POLR1D: variants seen among roughly 807,000 people sequenced by gnomAD.
POLR1D encodes the protein RNA polymerase I and III subunit D, also known as DNA-directed RNA polymerases I and III subunit RPAC2.
In POLR1D, 8 loss-of-function variants were observed where a neutral mutation model predicts 10.8. That is an observed-to-expected ratio of 0.74 (90% CI 0.43 to 1.33). The LOEUF (loss-of-function observed/expected upper bound fraction) is 1.33. Ranked by LOEUF, POLR1D falls within the 40% of genes most tolerant of loss-of-function variation. POLR1D has a pLI of 0.01. For missense variants in POLR1D, 152 were observed against 161.7 expected (o/e 0.94, Z 0.32); for synonymous variants, 54 against 57.2 (o/e 0.94, Z 0.25).
At chr13:27,633,228 G>T (rs1286983373) in intron 1 of POLR1D, among the ~76,000 whole-genome samples, 1 of 152,158 alleles carries the variant, frequency 6.6e-6, no homozygotes, top group Non-Finnish European at 1.5e-5. Context: ...GAAGAATTGG[G>T]CATGTTGTTT....
chr13:27,629,975 G>A (rs533948036), intron 1 of POLR1D, among the ~76,000 whole-genome samples: 1 of 152,038 alleles, frequency 6.6e-6, no homozygotes, highest in South Asian at 2.1e-4. Context: ...GCAGTGGCGC[G>A]ATCTTGGCTC....
upstream of POLR1D, chr13:27,621,760 G>A (rs918619095): frequency 5.9e-5 from 22 of 369,810 alleles, no homozygotes; most frequent in Non-Finnish European, 8.6e-5. Context: ...GCGGGGCCGC[G>A]AGCCACCGCT....
At chr13:27,655,587 A>G (rs931935387) in intron 2 of POLR1D, among the ~76,000 whole-genome samples, 5 of 152,316 alleles carry the variant, frequency 3.3e-5, no homozygotes, top group South Asian at 2.1e-4. Flanking sequence ...TGATGTTTTT[A>G]TACGTCTTAA....
downstream of POLR1D, among the ~76,000 whole-genome samples, chr13:27,626,744 C>T (rs150369993): frequency 1.1e-4 from 16 of 152,298 alleles, no homozygotes; most frequent in East Asian, 3.1e-3. Flanking sequence ...TAAATATATA[C>T]CAAAGGCTTT....
chr13:27,662,968 G>A (rs1956378980), intron 2 of POLR1D, among the ~76,000 whole-genome samples: 1 of 152,112 alleles, frequency 6.6e-6, no homozygotes, highest in South Asian at 2.1e-4. Context: ...CAGAGCATGT[G>A]TGCCCAGCCA....
At chr13:27,628,210 T>C (rs1422115432), downstream of POLR1D, among the ~76,000 whole-genome samples, 1 of 152,186 alleles carries the variant, frequency 6.6e-6, no homozygotes, top group Non-Finnish European at 1.5e-5. Context: ...ATCAGGGCAG[T>C]GAACAGCCTG....
chr13:27,662,886 C>T (rs1192442956), intron 2 of POLR1D, among the ~76,000 whole-genome samples: 1 of 152,140 alleles, frequency 6.6e-6, no homozygotes, highest in Non-Finnish European at 1.5e-5. Flanking sequence ...CCATTATTAT[C>T]CCCACTTAAC....
upstream of POLR1D, chr13:27,621,375 C>T (rs2232670): frequency 0.056 from 8,546 of 152,534 alleles, 293 homozygotes; most frequent in Middle Eastern, 0.15. Context: ...GAAACAAATA[C>T]CGCCTTCAAC....
At chr13:27,647,397 AT>A (rs556408835) in intron 1 of POLR1D, among the ~76,000 whole-genome samples, 1 of 150,912 alleles carries the variant, frequency 6.6e-6, no homozygotes, top group South Asian at 2.1e-4. Flanking sequence ...TATTATTTTT[AT>A]TTTTTTTAGA....
chr13:27,639,032 T>G (rs1487160999), intron 1 of POLR1D, among the ~76,000 whole-genome samples: 4 of 152,180 alleles, frequency 2.6e-5, no homozygotes, highest in Admixed American at 2.6e-4. Context: ...TATTTTTTAT[T>G]TCTGCTTTTT....
intron 2 of POLR1D, among the ~76,000 whole-genome samples, chr13:27,655,001 A>T (rs1956296153): frequency 6.6e-6 from 1 of 152,230 alleles, no homozygotes; most frequent in African/African-American, 2.4e-5. Context: ...TTCACGGGTC[A>T]CATGGTGAGA....
At chr13:27,638,484 T>TTTCA in intron 1 of POLR1D, among the ~76,000 whole-genome samples, 1 of 152,182 alleles carries the variant, frequency 6.6e-6, no homozygotes, top group South Asian at 2.1e-4. Flanking sequence ...GAGCATGAAA[T>TTTCA]GATGAGATGC....
downstream of POLR1D, chr13:27,623,474 T>C: frequency 4.3e-6 from 4 of 930,016 alleles, no homozygotes; most frequent in Non-Finnish European, 5.9e-6. Context: ...TTCTGTTCCA[T>C]GCAACCAAAT....
downstream of POLR1D, among the ~76,000 whole-genome samples, chr13:27,625,158 A>T (rs746974963): frequency 6.6e-6 from 1 of 152,188 alleles, no homozygotes; most frequent in Non-Finnish European, 1.5e-5. Flanking sequence ...AGCACAGTAG[A>T]CAAGGAGAAG....
downstream of POLR1D, among the ~76,000 whole-genome samples, chr13:27,627,633 G>A (rs117749881): frequency 2.2e-4 from 33 of 152,112 alleles, no homozygotes; most frequent in East Asian, 5.4e-3. Flanking sequence ...AAGAATTGGC[G>A]GCTTATGATT....
intron 2 of POLR1D, chr13:27,650,468 CAT>C (rs1593289697): frequency 6.1e-6 from 1 of 164,450 alleles, no homozygotes; most frequent in East Asian, 1.6e-4. Flanking sequence ...CCCTAAGTCA[CAT>C]GTTAGTCTCT....
rs565786176 is a variant in POLR1D at position 27,665,865 on chromosome 13, G to A, written c.281G>A (p.Ser94Asn). 7.4e-6 allele frequency: 12 copies of A among 1,614,164 alleles called. No individual in the cohort carries two copies. The African/African-American group carries it at 9.3e-5, about 13-fold the overall frequency. ...CACAGAAGCCATCCTTACAAGCACA[G>A]CTTCCGCGCTCGAGGTTCCGCCAGT... Residue 94 changes from serine (S) to asparagine (N), a missense_variant, in exon 3 of 3, where the codon AGC (serine) becomes AAC (asparagine). By Grantham distance (46) the Ser-to-Asn change is conservative. Transcript: ENST00000399697.
Position 27,622,139 on chromosome 13 carries a change from G to A in POLR1D, c.26+130G>A, listed in dbSNP as rs556964648. The stretch of plus-strand genomic sequence containing the variant: ...AGAGAAGAAGCATGGAGAGAGAAGT[G>A]GGGAGGAGACATGAATGTGTTTCAG... On this transcript the variant is annotated intron_variant, in intron 1 of 1. Transcript: ENST00000302979. 3.3e-4 allele frequency: 251 copies of A among 768,808 alleles called. 1 individual carries two copies. Among genetic ancestry groups the A allele is most frequent in the African/African-American group, 2.7e-3 (156 of 58,030 alleles). The allele number at this position is 768,808 out of a possible 1,614,324, so 47.6% of individuals were successfully genotyped here.
At chr13:27,624,571 C>G (rs1475704086), downstream of POLR1D, among the ~76,000 whole-genome samples, 1 of 152,024 alleles carries the variant, frequency 6.6e-6, no homozygotes, top group Non-Finnish European at 1.5e-5. Context: ...AGAGTAAGTC[C>G]TGTTCTCATA....
Sources: gnomAD v4.1 joint callset for allele counts (sites outside exome capture counted in the v4.1 genomes callset) on GRCh38, gnomAD v4.1.1 for gene constraint, MANE v1.5 for transcripts, NCBI Gene and HGNC (gene_info 2026-07-23, HGNC 2026-07-21) for gene names.